TESK2: variants seen among roughly 807,000 people sequenced by gnomAD.
TESK2 encodes the protein testis associated actin remodelling kinase 2.
A neutral mutation model predicts 57.1 loss-of-function variants in TESK2; 39 were observed. The observed-to-expected ratio is 0.68, with a 90% CI of 0.53 to 0.89. The LOEUF (loss-of-function observed/expected upper bound fraction) is 0.89, where lower values mean the gene tolerates loss of function less well. Among genes scored for constraint, TESK2 ranks in the 40% least tolerant of loss-of-function variants. TESK2 has a pLI of 0.00. For synonymous variants in TESK2, 249 were observed against 267.9 expected (o/e 0.93, Z 0.69); for missense variants, 646 against 732.1 (o/e 0.88, Z 1.36).
At chr1:45,438,501 T>C (rs1311496590) in intron 2 of TESK2, among the ~76,000 whole-genome samples, 4 of 152,158 alleles carry the variant, frequency 2.6e-5, no homozygotes, top group African/African-American at 9.7e-5. Flanking sequence ...GTTAAAATAA[T>C]ATCACATACC....
chr1:45,419,293 G>A lies in TESK2; in HGVS notation c.344+2432C>T, dbSNP rs578187064. On this transcript the variant is annotated intron_variant, in intron 3 of 10. Transcript: ENST00000372086. ...GCCCAGACTTCCCTGACTCTTCAAA[G>A]TTAATATGACCCCTCACTCATTTGA... Among the ~76,000 whole-genome samples, 2 of 152,114 alleles carry A rather than the reference G, an allele frequency of 1.3e-5. 1 individual carries two copies. Among genetic ancestry groups the A allele is most frequent in the Non-Finnish European group, 2.9e-5 (2 of 68,016 alleles).
At chr1:45,379,601 G>A (rs1056263591) in intron 4 of TESK2, among the ~76,000 whole-genome samples, 10 of 152,092 alleles carry the variant, frequency 6.6e-5, no homozygotes, top group Admixed American at 1.3e-4. Context: ...ATATCAACCC[G>A]CATAAACAAG....
At chr1:45,426,053 G>A (rs996194103) in intron 2 of TESK2, among the ~76,000 whole-genome samples, 6 of 152,080 alleles carry the variant, frequency 3.9e-5, no homozygotes, top group African/African-American at 1.4e-4. Flanking sequence ...TCGGGAGGCT[G>A]AGCAGGAGAA....
intron 5 of TESK2, among the ~76,000 whole-genome samples, chr1:45,354,712 C>T (rs1277600982): frequency 8.6e-5 from 12 of 139,822 alleles, no homozygotes; most frequent in African/African-American, 3.2e-4. Context: ...TTGCTTGAGC[C>T]GATGGAGTGG....
At chr1:45,409,862 T>C (rs907985462) in intron 3 of TESK2, among the ~76,000 whole-genome samples, 2 of 152,138 alleles carry the variant, frequency 1.3e-5, no homozygotes, top group Non-Finnish European at 2.9e-5. Context: ...TAGTAATCAT[T>C]GTTTATATTA....
chr1:45,483,262 T>C (rs1279734698), intron 1 of TESK2, among the ~76,000 whole-genome samples: 12 of 140,686 alleles, frequency 8.5e-5, no homozygotes, highest in South Asian at 2.2e-4. Flanking sequence ...GCCTGGACAA[T>C]AGAGAGAGAC....
intron 5 of TESK2, among the ~76,000 whole-genome samples, chr1:45,350,055 T>A (rs1216334852): frequency 2.0e-5 from 3 of 152,074 alleles, no homozygotes; most frequent in African/African-American, 7.2e-5. Context: ...GGCAGGAGAA[T>A]CACTTGAATC....
At chr1:45,424,598 C>T (rs553704746) in intron 2 of TESK2, among the ~76,000 whole-genome samples, 6 of 152,274 alleles carry the variant, frequency 3.9e-5, no homozygotes, top group South Asian at 2.1e-4. Context: ...TTACAGAAGA[C>T]ATCTGTGTTT....
intron 2 of TESK2, among the ~76,000 whole-genome samples, chr1:45,427,050 C>G (rs1650724069): frequency 1.3e-5 from 2 of 151,994 alleles, no homozygotes; most frequent in Non-Finnish European, 2.9e-5. Context: ...GGAGACCAGC[C>G]TGGCCAACAT....
Position 45,457,844 on chromosome 1 carries a change from T to A in TESK2, c.-59A>T. 6.8e-7 allele frequency: 1 copy of A among 1,469,586 alleles called. No individual in the cohort carries two copies. Among genetic ancestry groups the A allele is most frequent in the Non-Finnish European group, 9.4e-7 (1 of 1,061,854 alleles). The allele number at this position is 1,469,586 out of a possible 1,614,324, so 91.0% of individuals were successfully genotyped here. On this transcript the variant is annotated 5_prime_UTR_variant, in exon 2 of 11. Coordinates refer to ENST00000372086, the MANE Select transcript of TESK2 (RefSeq NM_007170.3). ...AGGAACTCCACACATAAATTTTTGT[T>A]GAATTTTACTTCTCTTCTGGTTTGA...
At chr1:45,473,387 T>C (rs995325459) in intron 1 of TESK2, among the ~76,000 whole-genome samples, 1 of 152,172 alleles carries the variant, frequency 6.6e-6, no homozygotes, top group Non-Finnish European at 1.5e-5. Context: ...AGAAAGTATA[T>C]TGCCATTGAT....
At chr1:45,413,908 T>C (rs1054500484) in intron 3 of TESK2, 15 of 453,292 alleles carry the variant, frequency 3.3e-5, no homozygotes, top group Middle Eastern at 6.7e-4. Flanking sequence ...AGCTTGAAAA[T>C]AGACTAAGAG....
At chr1:45,460,594 C>G (rs1161888706) in intron 1 of TESK2, among the ~76,000 whole-genome samples, 2 of 151,972 alleles carry the variant, frequency 1.3e-5, no homozygotes, top group Non-Finnish European at 2.9e-5. Context: ...TTAATCCAAG[C>G]CCAGGCTGAA....
chr1:45,379,539 T>G (rs1042389632), intron 4 of TESK2, among the ~76,000 whole-genome samples: 1 of 152,190 alleles, frequency 6.6e-6, no homozygotes, highest in Non-Finnish European at 1.5e-5. Flanking sequence ...GTAAGCTGTC[T>G]GATTATATAA....
intron 3 of TESK2, among the ~76,000 whole-genome samples, chr1:45,392,076 G>A (rs577923287): frequency 6.6e-6 from 1 of 151,070 alleles, no homozygotes; most frequent in Non-Finnish European, 1.5e-5. Context: ...TGGAATATAA[G>A]GTATTGATTG....
chr1:45,415,735 T>C (rs1650214226), intron 3 of TESK2, among the ~76,000 whole-genome samples: 1 of 152,220 alleles, frequency 6.6e-6, no homozygotes, highest in Admixed American at 6.5e-5. Context: ...TTTACTGTCA[T>C]TACCCTCATT....
At chr1:45,412,327 C>T (rs948123751) in intron 3 of TESK2, among the ~76,000 whole-genome samples, 9 of 152,112 alleles carry the variant, frequency 5.9e-5, no homozygotes, top group African/African-American at 2.2e-4. Context: ...GATGCAAAAG[C>T]CTTTGAATAT....
chr1:45,354,649 C>T (rs1647329696), intron 5 of TESK2, among the ~76,000 whole-genome samples: 1 of 149,904 alleles, frequency 6.7e-6, no homozygotes, highest in Admixed American at 6.6e-5. Flanking sequence ...TACAGCCAGG[C>T]ATGGTGGTGT....
chr1:45,469,684 G>A (rs1336163084), intron 1 of TESK2, among the ~76,000 whole-genome samples: 1 of 152,172 alleles, frequency 6.6e-6, no homozygotes, highest in Non-Finnish European at 1.5e-5. Context: ...AGTCTCTGAG[G>A]CAAAAGCCTT....
Sources: allele counts gnomAD v4.1 joint callset (sites outside exome capture counted in the v4.1 genomes callset), GRCh38; gene constraint gnomAD v4.1.1; transcripts MANE v1.5; gene names NCBI Gene and HGNC (gene_info 2026-07-23, HGNC 2026-07-21).